UTP23: variants seen among roughly 807,000 people sequenced by gnomAD.
UTP23 encodes rRNA-processing protein UTP23 homolog.
A neutral mutation model predicts 19.8 loss-of-function variants in UTP23; 10 were observed. The observed-to-expected ratio is 0.50, with a 90% CI of 0.31 to 0.86. The LOEUF is 0.86. UTP23 is among the 40% of genes least tolerant of loss of function. The pLI is 0.05. For missense variants in UTP23, 282 were observed against 293.1 expected (o/e 0.96, Z 0.28); for synonymous variants, 108 against 105.4 (o/e 1.02, Z -0.15).
Position 116,772,533 on chromosome 8 carries a change from C to A in UTP23, c.*691C>A. The A allele has an allele frequency of 1.0e-6, 1 of 984,750 alleles. No individual in the cohort carries two copies. Among genetic ancestry groups the A allele is most frequent in the South Asian group, 4.7e-5 (1 of 21,274 alleles). The allele number at this position is 984,750 out of a possible 1,614,324, so 61.0% of individuals were successfully genotyped here. A position where few individuals can be genotyped will look rare whatever the true frequency, so the allele number is the denominator to read the frequency against. ...GAAATTTTGCCCATTTATACTGCAC[C>A]ATTTTTCCAGTATATGAATATTTTA... On this transcript the variant is annotated 3_prime_UTR_variant, in exon 3 of 3. Coordinates refer to ENST00000309822, the MANE Select transcript of UTP23 (RefSeq NM_032334.3).
Position 116,771,981 on chromosome 8 carries a change from G to A in UTP23, c.*139G>A. On this transcript the variant is annotated 3_prime_UTR_variant, in exon 3 of 3. Transcript: ENST00000309822. The stretch of plus-strand genomic sequence containing the variant: ...TAAAATTAATTATAAAATAAAAACA[G>A]TGACCAGTCTAGCCAGCATGGCAAA... The A allele has an allele frequency of 3.5e-6, 5 of 1,409,972 alleles. No individual in the cohort carries two copies. Among genetic ancestry groups the A allele is most frequent in the Non-Finnish European group, 4.6e-6 (5 of 1,091,164 alleles). 87.3% of individuals were successfully genotyped at this position (1,409,972 alleles called of 1,614,324 possible).
Position 116,772,176 on chromosome 8 carries a change from T to A in UTP23, c.*334T>A, listed in dbSNP as rs570992820. On this transcript the variant is annotated 3_prime_UTR_variant, in exon 3 of 3. Coordinates refer to ENST00000309822, the MANE Select transcript of UTP23 (RefSeq NM_032334.3). Reference sequence around the variant, plus strand: ...CAGCCTGGGCAACAGAGTGAGAACATGTCTCAAAAAAAAAATAAAAACAGT... The same window carrying A: ...CAGCCTGGGCAACAGAGTGAGAACAAGTCTCAAAAAAAAAATAAAAACAGT... The A allele has an allele frequency of 9.9e-7, 1 of 1,012,522 alleles. No homozygotes were observed. The highest frequency in any genetic ancestry group is 8.5e-5 in the East Asian group (1 of 11,730). The allele number at this position is 1,012,522 out of a possible 1,614,324, so 62.7% of individuals were successfully genotyped here. A position where few individuals can be genotyped will look rare whatever the true frequency, so the allele number is the denominator to read the frequency against.
chr8:116,772,836 C>T lies in UTP23; in HGVS notation c.*994C>T. On this transcript the variant is annotated 3_prime_UTR_variant, in exon 3 of 3. Transcript: ENST00000309822. ...GAATTCCCCCGGCAATTGTTTTAGT[C>T]ATTTATCAGGCCAAAATTAAAATGT... is the stretch of plus-strand genomic sequence containing the variant. 1 of 985,352 alleles carries T rather than the reference C, an allele frequency of 1.0e-6. No homozygotes were observed. The highest frequency in any genetic ancestry group is 1.2e-6 in the Non-Finnish European group (1 of 829,914). 61.0% of individuals were successfully genotyped at this position (985,352 alleles called of 1,614,324 possible).
In UTP23 at chr8:116,772,283, C is replaced by T; in HGVS notation, c.*441C>T. 1.0e-6 allele frequency: 1 copy of T among 985,824 alleles called. No individual in the cohort carries two copies. Among genetic ancestry groups the T allele is most frequent in the Non-Finnish European group, 1.2e-6 (1 of 830,210 alleles). The allele number at this position is 985,824 out of a possible 1,614,324, so 61.1% of individuals were successfully genotyped here. On this transcript the variant is annotated 3_prime_UTR_variant, in exon 3 of 3. Coordinates refer to ENST00000309822, the MANE Select transcript of UTP23 (RefSeq NM_032334.3). Reference sequence around the variant, plus strand: ...GTTTCTCCAGGTAAAATTGTCGCCTCTCTGGTCCCATTCCCACCTTCAAAC... The same window carrying T: ...GTTTCTCCAGGTAAAATTGTCGCCTTTCTGGTCCCATTCCCACCTTCAAAC...
chr8:116,771,679 G>T lies in UTP23; in HGVS notation c.587G>T (p.Arg196Leu), dbSNP rs202234937. The change falls in exon 3 of 3, where the codon CGC becomes CTC. Residue 196 changes from arginine to leucine, a missense_variant. Transcript: ENST00000309822. Reference protein sequence around the residue: ...KNTEQSRRKKRKKISGPNPLS... With the variant: ...KNTEQSRRKKLKKISGPNPLS... ...ACTGAACAGAGTAGAAGAAAAAAGCGCAAGAAAATAAGTGGTCCCAATCCT... is the reference window on the plus strand; with the variant it reads ...ACTGAACAGAGTAGAAGAAAAAAGCTCAAGAAAATAAGTGGTCCCAATCCT... 8 of 1,611,282 alleles carry T rather than the reference G, an allele frequency of 5.0e-6. No homozygotes were observed. Among genetic ancestry groups the T allele is most frequent in the Non-Finnish European group, 6.8e-6 (8 of 1,179,462 alleles).
At chr8:116,769,383 G>T (rs1007639594) in intron 1 of UTP23, among the ~76,000 whole-genome samples, 1 of 152,158 alleles carries the variant, frequency 6.6e-6, no homozygotes, top group African/African-American at 2.4e-5. Flanking sequence ...GGTGAAGAAG[G>T]GCAGGAAGGT....
chr8:116,773,811 A>C lies in UTP23; in HGVS notation c.*1969A>C, dbSNP rs1429090519. The C allele has an allele frequency of 1.4e-6, 1 of 696,010 alleles. No individual in the cohort carries two copies. The highest frequency in any genetic ancestry group is 1.8e-6 in the Non-Finnish European group (1 of 566,192). 43.1% of individuals were successfully genotyped at this position (696,010 alleles called of 1,614,324 possible). On this transcript the variant is annotated 3_prime_UTR_variant, in exon 3 of 3. Coordinates refer to ENST00000309822, the MANE Select transcript of UTP23 (RefSeq NM_032334.3). ...GTGAGAGAGTGAAACCCCGTCTCAA[A>C]AATAAATAAATAAATAAGTTTACTA...
rs372966236 is a variant in UTP23 at position 116,771,327 on chromosome 8, A to T, written c.364-129A>T. The T allele has an allele frequency of 3.5e-5, 26 of 733,528 alleles. No homozygotes were observed. In the African/African-American group the frequency reaches 4.6e-4, roughly 13 times the overall value. The allele number at this position is 733,528 out of a possible 1,614,324, so 45.4% of individuals were successfully genotyped here. ...AAATATACCCCCATTACTCAAATGA[A>T]TAAGTGAGGCTTACTCATTTGAAAA... On this transcript the variant is annotated intron_variant, in intron 2 of 2. Transcript: ENST00000309822.
At chr8:116,767,765 A>G (rs1393380542) in intron 1 of UTP23, among the ~76,000 whole-genome samples, 1 of 152,258 alleles carries the variant, frequency 6.6e-6, no homozygotes, top group Non-Finnish European at 1.5e-5. Context: ...ATGAAGAACT[A>G]TTAAGAAATT....
intron 1 of UTP23, among the ~76,000 whole-genome samples, chr8:116,767,631 A>G (rs758715490): frequency 1.3e-5 from 2 of 152,202 alleles, no homozygotes; most frequent in Non-Finnish European, 2.9e-5. Context: ...ACAGAAAAGA[A>G]TGACACTTCT....
Position 116,766,755 on chromosome 8 carries a change from G to C in UTP23, c.152G>C (p.Arg51Pro). The stretch of plus-strand genomic sequence containing the variant: ...ATCCAGCTGCGGGAGCAGCTGCCCC[G>C]CTACCTCATGGGGGAGACGCAGCTG... ...GRIQLREQLP[R>P]YLMGETQLCT... Residue 51 changes from arginine (R) to proline (P), a missense_variant, in exon 1 of 3, where the codon CGC becomes CCC. Transcript: ENST00000309822. 6.3e-7 allele frequency: 1 copy of C among 1,591,250 alleles called. No individual in the cohort carries two copies. Among genetic ancestry groups the C allele is most frequent in the African/African-American group, 1.3e-5 (1 of 74,496 alleles).
Position 116,772,741 on chromosome 8 carries a change from T to C in UTP23, c.*899T>C, listed in dbSNP as rs1815675673. The C allele has an allele frequency of 1.0e-6, 1 of 985,250 alleles. No individual in the cohort carries two copies. Among genetic ancestry groups the C allele is most frequent in the Admixed American group, 6.1e-5 (1 of 16,270 alleles). 61.0% of individuals were successfully genotyped at this position (985,250 alleles called of 1,614,324 possible). On this transcript the variant is annotated 3_prime_UTR_variant, in exon 3 of 3. Coordinates refer to ENST00000309822, the MANE Select transcript of UTP23 (RefSeq NM_032334.3). ...ATTGACTGTGAATGTTATTGAAAAG[T>C]GTCTAAATTAGTCTGAGGATCAATG...
rs1815685786 is a variant in UTP23 at position 116,773,486 on chromosome 8, T to C, written c.*1644T>C. The C allele has an allele frequency of 3.0e-6, 3 of 984,268 alleles. No homozygotes were observed. Among genetic ancestry groups the C allele is most frequent in the East Asian group, 1.1e-4 (1 of 8,808 alleles). 61.0% of individuals were successfully genotyped at this position (984,268 alleles called of 1,614,324 possible). A position where few individuals can be genotyped will look rare whatever the true frequency, so the allele number is the denominator to read the frequency against. ...CCACTTTTTTATGAAGCAGTAATTA[T>C]AGAAGTACTAAAAATTACAATGTAT... On this transcript the variant is annotated 3_prime_UTR_variant, in exon 3 of 3. Coordinates refer to ENST00000309822, the MANE Select transcript of UTP23 (RefSeq NM_032334.3).
Position 116,772,953 on chromosome 8 carries a change from C to A in UTP23, c.*1111C>A. ...GACAGCTTCTGGAGCCACACTAGAGCAGTGATTCTCAGTCTAACATTAGGT... is the reference window on the plus strand; with the variant it reads ...GACAGCTTCTGGAGCCACACTAGAGAAGTGATTCTCAGTCTAACATTAGGT... On this transcript the variant is annotated 3_prime_UTR_variant, in exon 3 of 3. Coordinates refer to ENST00000309822, the MANE Select transcript of UTP23 (RefSeq NM_032334.3). 2 of 985,348 alleles carry A rather than the reference C, an allele frequency of 2.0e-6. No homozygotes were observed. The highest frequency in any genetic ancestry group is 2.4e-6 in the Non-Finnish European group (2 of 829,864). The allele number at this position is 985,348 out of a possible 1,614,324, so 61.0% of individuals were successfully genotyped here.
chr8:116,768,908 C>T (rs1271957710), intron 1 of UTP23, among the ~76,000 whole-genome samples: 1 of 152,302 alleles, frequency 6.6e-6, no homozygotes, highest in African/African-American at 2.4e-5. Context: ...GCAGGTGATC[C>T]ACCCACCTCG....
Position 116,771,836 on chromosome 8 carries a change from A to G in UTP23, c.744A>G (p.Gly248=). Residue 248 remains glycine, a synonymous_variant, in exon 3 of 3, where the codon GGA becomes GGG. Transcript: ENST00000309822. Reference sequence around the variant, plus strand: ...TTTCTGAGAAGCAGAATGCAGAAGGAGAATGAATCCTTTGGATACTTTCAA... The same window carrying G: ...TTTCTGAGAAGCAGAATGCAGAAGGGGAATGAATCCTTTGGATACTTTCAA... The part of the protein sequence containing the change: ...KVLSEKQNAE[G]E The G allele has an allele frequency of 6.4e-7, 1 of 1,572,780 alleles. No homozygotes were observed. The highest frequency in any genetic ancestry group is 2.2e-5 in the East Asian group (1 of 44,638).
rs754167970 is a variant in UTP23, at chr8:116,766,684, G to T, written c.81G>T (p.Gln27His). 6.2e-7 allele frequency: 1 copy of T among 1,613,806 alleles called. No homozygotes were observed. Among genetic ancestry groups the T allele is most frequent in the Admixed American group, 1.7e-5 (1 of 59,976 alleles). The change falls in exon 1 of 3, where the codon CAG (glutamine) becomes CAT (histidine). Residue 27 changes from glutamine (Q) to histidine (H), a missense_variant. By Grantham distance (24) the Gln-to-His change is conservative. Coordinates refer to ENST00000309822, the MANE Select transcript of UTP23 (RefSeq NM_032334.3). ...ACTTCGGAGTCCGCGAGCCGTACCA[G>T]ATCCTGCTGGACGGCACCTTCTGTC... is the stretch of plus-strand genomic sequence containing the variant. ...RNNFGVREPY[Q>H]ILLDGTFCQA...
intron 1 of UTP23, among the ~76,000 whole-genome samples, chr8:116,767,450 T>C (rs936603259): frequency 2.6e-5 from 4 of 152,190 alleles, no homozygotes; most frequent in African/African-American, 9.7e-5. Flanking sequence ...CAGTCTGCAG[T>C]GTGTGTTTTC....
Position 116,771,991 on chromosome 8 carries a change from T to C in UTP23, c.*149T>C, listed in dbSNP as rs1815663180. 7.4e-7 allele frequency: 1 copy of C among 1,359,700 alleles called. No homozygotes were observed. The allele number at this position is 1,359,700 out of a possible 1,614,324, so 84.2% of individuals were successfully genotyped here. On this transcript the variant is annotated 3_prime_UTR_variant, in exon 3 of 3. Coordinates refer to ENST00000309822, the MANE Select transcript of UTP23 (RefSeq NM_032334.3). ...TATAAAATAAAAACAGTGACCAGTC[T>C]AGCCAGCATGGCAAAACCCCATCTC...
Sources: gnomAD v4.1 joint callset for allele counts (sites outside exome capture counted in the v4.1 genomes callset) on GRCh38, gnomAD v4.1.1 for gene constraint, MANE v1.5 for transcripts, NCBI Gene and HGNC (gene_info 2026-07-23, HGNC 2026-07-21) for gene names.